The following MARCHF3 variants were observed in gnomAD, a reference collection of about 807,000 sequenced individuals.
MARCHF3 encodes E3 ubiquitin-protein ligase MARCHF3.
In MARCHF3, 13 loss-of-function variants were observed where a neutral mutation model predicts 24.2. The ratio of observed to expected loss-of-function variants is 0.54; its 90% CI spans 0.35 to 0.85. MARCHF3 has a LOEUF of 0.85. MARCHF3 is among the 40% of genes least tolerant of loss of function. MARCHF3 has a pLI of 0.01. For missense variants in MARCHF3, 276 were observed against 325.0 expected (o/e 0.85, Z 1.16); for synonymous variants, 144 against 137.3 (o/e 1.05, Z -0.34).
chr5:126,881,700 CA>C (rs1753347504), intron 3 of MARCHF3, among the ~76,000 whole-genome samples: 2 of 151,718 alleles, frequency 1.3e-5, no homozygotes, highest in South Asian at 4.2e-4. Flanking sequence ...TACACAAAGA[CA>C]GGGGGCCACC....
At chr5:126,905,606 GCTCT>G (rs1222100497) in intron 3 of MARCHF3, among the ~76,000 whole-genome samples, 1 of 151,758 alleles carries the variant, frequency 6.6e-6, no homozygotes, top group Non-Finnish European at 1.5e-5. Flanking sequence ...TCATGATTTG[GCTCT>G]CTGTTTGTCT....
At chr5:126,916,229 T>C (rs1754725142) in intron 2 of MARCHF3, among the ~76,000 whole-genome samples, 1 of 152,178 alleles carries the variant, frequency 6.6e-6, no homozygotes, top group African/African-American at 2.4e-5. Flanking sequence ...ATGGATGTCT[T>C]ATGTTGCTTG....
chr5:126,881,215 G>A (rs1423108309), intron 3 of MARCHF3, among the ~76,000 whole-genome samples: 1 of 151,968 alleles, frequency 6.6e-6, no homozygotes, highest in African/African-American at 2.4e-5. Flanking sequence ...TGGGGGGTTC[G>A]GCTTACTCTT....
At chr5:126,947,191 G>A (rs560079415) in intron 1 of MARCHF3, among the ~76,000 whole-genome samples, 16 of 152,268 alleles carry the variant, frequency 1.1e-4, no homozygotes, top group African/African-American at 3.4e-4. Context: ...CCCCGCATAT[G>A]CAACTGGCAC....
At chr5:126,884,454 C>A (rs1237340834) in intron 3 of MARCHF3, among the ~76,000 whole-genome samples, 1 of 152,182 alleles carries the variant, frequency 6.6e-6, no homozygotes, top group African/African-American at 2.4e-5. Context: ...TCTCTCCAAA[C>A]CTCTAGACGT....
At chr5:126,875,050 C>G (rs1187523440) in intron 4 of MARCHF3, among the ~76,000 whole-genome samples, 1 of 152,176 alleles carries the variant, frequency 6.6e-6, no homozygotes, top group Non-Finnish European at 1.5e-5. Context: ...TGCCTCAATT[C>G]TCCTCCAAAC....
chr5:126,890,616 C>G (rs1653993869), intron 3 of MARCHF3, among the ~76,000 whole-genome samples: 1 of 151,920 alleles, frequency 6.6e-6, no homozygotes, highest in South Asian at 2.1e-4. Context: ...AGGGCATGAA[C>G]TCATCATTTT....
At chr5:126,952,399 T>C (rs1199250621) in intron 1 of MARCHF3, among the ~76,000 whole-genome samples, 2 of 152,204 alleles carry the variant, frequency 1.3e-5, no homozygotes, top group East Asian at 3.8e-4. Context: ...TAAAGGGTGG[T>C]ATAAATGGAG....
chr5:126,902,266 C>T (rs915053112), intron 3 of MARCHF3, among the ~76,000 whole-genome samples: 2 of 152,240 alleles, frequency 1.3e-5, no homozygotes, highest in Non-Finnish European at 2.9e-5. Context: ...AGTGAATACA[C>T]ACCTGTTTGT....
At chr5:126,873,198 T>C (rs12658174) in intron 4 of MARCHF3, among the ~76,000 whole-genome samples, 3,100 of 152,232 alleles carry the variant, frequency 0.02, 74 homozygotes, top group South Asian at 0.11. Flanking sequence ...CTCTACTTAG[T>C]GGTTACGTGA....
chr5:126,906,336 G>C (rs996903761), intron 3 of MARCHF3, among the ~76,000 whole-genome samples: 1 of 152,212 alleles, frequency 6.6e-6, no homozygotes, highest in African/African-American at 2.4e-5. Context: ...CTCATAAAAT[G>C]AGTTAGGGAG....
chr5:126,956,663 A>C (rs59356402), intron 1 of MARCHF3, among the ~76,000 whole-genome samples: 10 of 146,906 alleles, frequency 6.8e-5, no homozygotes, highest in East Asian at 6.3e-4. Context: ...AAAAAAAAAA[A>C]AAAAAAAACC....
At chr5:126,995,073 C>T (rs981127744) in intron 1 of MARCHF3, among the ~76,000 whole-genome samples, 4 of 152,208 alleles carry the variant, frequency 2.6e-5, no homozygotes, top group Non-Finnish European at 4.4e-5. Flanking sequence ...GAAGGTGGGT[C>T]GGCCTCTCCC....
At chr5:126,937,320 A>G in intron 1 of MARCHF3, among the ~76,000 whole-genome samples, 1 of 152,298 alleles carries the variant, frequency 6.6e-6, no homozygotes, top group East Asian at 1.9e-4. Context: ...CTAAATTAAC[A>G]TCTGGTTACC....
intron 1 of MARCHF3, among the ~76,000 whole-genome samples, chr5:126,950,364 GACA>G (rs1314975302): frequency 1.3e-5 from 2 of 151,902 alleles, no homozygotes; most frequent in African/African-American, 4.8e-5. Flanking sequence ...CACTCTTCTC[GACA>G]ACAATTTCAT....
At chr5:126,920,808 A>C (rs1749083604) in intron 1 of MARCHF3, among the ~76,000 whole-genome samples, 1 of 152,214 alleles carries the variant, frequency 6.6e-6, no homozygotes, top group African/African-American at 2.4e-5. Flanking sequence ...GTCCTTAAAA[A>C]TATTCTAGAA....
At chr5:126,951,169 A>G (rs528883058) in intron 1 of MARCHF3, among the ~76,000 whole-genome samples, 4 of 152,210 alleles carry the variant, frequency 2.6e-5, no homozygotes, top group South Asian at 4.1e-4. Flanking sequence ...TTCTCTTTCT[A>G]TTGCGATACA....
chr5:126,883,381 G>A (rs1382837074), intron 3 of MARCHF3, among the ~76,000 whole-genome samples: 2 of 152,186 alleles, frequency 1.3e-5, no homozygotes, highest in Non-Finnish European at 2.9e-5. Context: ...TCATGCTGTT[G>A]AAAGCCCCAG....
chr5:126,968,669 G>T (rs772004041), intron 1 of MARCHF3, among the ~76,000 whole-genome samples: 1 of 152,134 alleles, frequency 6.6e-6, no homozygotes, highest in South Asian at 2.1e-4. Context: ...TCCACCTCCT[G>T]GGTTCAAGTG....
Sources: gnomAD v4.1 joint callset for allele counts (sites outside exome capture counted in the v4.1 genomes callset) on GRCh38, gnomAD v4.1.1 for gene constraint, MANE v1.5 for transcripts, NCBI Gene and HGNC (gene_info 2026-07-23, HGNC 2026-07-21) for gene names.